Variants in PRTFDC1 observed in about 807,000 individuals in gnomAD.
PRTFDC1 encodes the protein phosphoribosyltransferase domain-containing protein 1.
PRTFDC1 carries 38 observed loss-of-function variants against 34.6 expected under a neutral mutation model. The observed-to-expected ratio is 1.10, with a 90% CI of 0.85 to 1.44. The LOEUF is 1.44. Among genes scored for constraint, PRTFDC1 ranks in the 40% most tolerant of loss-of-function variants. The pLI is 0.00. For missense variants in PRTFDC1, 270 were observed against 283.0 expected, an observed-to-expected ratio of 0.95 and a Z score of 0.33; for synonymous variants, 93 against 98.1, an observed-to-expected ratio of 0.95 and a Z score of 0.31.
At chr10:24,936,114 A>G (rs1849046657) in intron 3 of PRTFDC1, among the ~76,000 whole-genome samples, 2 of 152,240 alleles carry the variant, frequency 1.3e-5, no homozygotes, top group East Asian at 1.9e-4. Flanking sequence ...AGAGTGATTC[A>G]TGAATTAAAA....
intron 3 of PRTFDC1, among the ~76,000 whole-genome samples, chr10:24,880,984 T>TC (rs1848069798): frequency 4.2e-5 from 6 of 143,536 alleles, no homozygotes; most frequent in South Asian, 2.3e-4. Context: ...CTTCCTCCCT[T>TC]CCTCCCTCCC....
chr10:24,897,052 A>G (rs1319085551), intron 3 of PRTFDC1, among the ~76,000 whole-genome samples: 1 of 152,176 alleles, frequency 6.6e-6, no homozygotes, highest in East Asian at 1.9e-4. Context: ...TCTACAAAAA[A>G]TACAAAAATT....
chr10:24,885,068 G>A (rs762330793), intron 3 of PRTFDC1, among the ~76,000 whole-genome samples: 30 of 152,366 alleles, frequency 2.0e-4, no homozygotes, highest in Non-Finnish European at 3.7e-4. Flanking sequence ...CTGGAGGGAT[G>A]AGCCTGGCTC....
intron 1 of PRTFDC1, among the ~76,000 whole-genome samples, chr10:24,944,798 A>G (rs1849228293): frequency 6.6e-6 from 1 of 152,034 alleles, no homozygotes. Flanking sequence ...AAATAAAAAT[A>G]AAAAACAAAG....
At chr10:24,854,845 T>A (rs894007150) in intron 7 of PRTFDC1, among the ~76,000 whole-genome samples, 3 of 152,162 alleles carry the variant, frequency 2.0e-5, no homozygotes, top group Non-Finnish European at 4.4e-5. Flanking sequence ...TTGCTAAAGG[T>A]CACCATTGTG....
intron 3 of PRTFDC1, among the ~76,000 whole-genome samples, chr10:24,925,339 G>A (rs760444671): frequency 4.6e-5 from 7 of 152,114 alleles, no homozygotes; most frequent in East Asian, 1.9e-4. Context: ...GGGGGCTGGC[G>A]GAGGGATAGC....
At chr10:24,939,551 G>C (rs894278502) in intron 2 of PRTFDC1, among the ~76,000 whole-genome samples, 2 of 151,794 alleles carry the variant, frequency 1.3e-5, no homozygotes, top group African/African-American at 4.8e-5. Context: ...CCAGCACTTT[G>C]GGAGGCCAAG....
At chr10:24,890,033 T>C (rs1469867939) in intron 3 of PRTFDC1, among the ~76,000 whole-genome samples, 1 of 152,194 alleles carries the variant, frequency 6.6e-6, no homozygotes, top group Non-Finnish European at 1.5e-5. Context: ...ACTCCATTAA[T>C]GTGCTGAGGA....
intron 7 of PRTFDC1, among the ~76,000 whole-genome samples, chr10:24,852,416 G>A (rs768625284): frequency 6.6e-6 from 1 of 152,174 alleles, no homozygotes; most frequent in African/African-American, 2.4e-5. Context: ...GTCTCCCAAA[G>A]TGCTGGGATT....
chr10:24,949,610 T>C (rs2132625048), intron 1 of PRTFDC1, among the ~76,000 whole-genome samples: 1 of 152,310 alleles, frequency 6.6e-6, no homozygotes, highest in South Asian at 2.1e-4. Flanking sequence ...AGGATGTAAA[T>C]GTAGGGACTA....
At chr10:24,947,189 C>T (rs113697625) in intron 1 of PRTFDC1, among the ~76,000 whole-genome samples, 103 of 152,228 alleles carry the variant, frequency 6.8e-4, no homozygotes, top group African/African-American at 2.4e-3. Flanking sequence ...TTCTCTAAAA[C>T]TGTTCTATAA....
At chr10:24,894,407 T>C (rs908867940) in intron 3 of PRTFDC1, among the ~76,000 whole-genome samples, 2 of 151,850 alleles carry the variant, frequency 1.3e-5, no homozygotes, top group Non-Finnish European at 2.9e-5. Flanking sequence ...AAGTGCTGCA[T>C]GAGCTGTGAG....
chr10:24,939,358 A>G (rs1275359801), intron 2 of PRTFDC1, among the ~76,000 whole-genome samples: 2 of 151,940 alleles, frequency 1.3e-5, no homozygotes, highest in Non-Finnish European at 2.9e-5. Flanking sequence ...AAAGGAAACA[A>G]CAACAGCAAT....
rs1384539541 is a variant in PRTFDC1 at position 24,858,392 on chromosome 10, C to T, written c.423G>A (p.Glu141=). ...TLAGKNVLIV[E]DVVGTGRTMK... is the part of the protein sequence containing the mutation. The stretch of plus-strand genomic sequence containing the variant: ...TATGGAAAAGGAAATGCCAGCTTAC[C>T]TCAACAATGAGAACATTCTGAAATA... The change falls in exon 5 of 9, where the codon GAG becomes GAA. Residue 141 remains glutamate (E), a splice_region_variant and synonymous_variant. Coordinates refer to ENST00000320152, the MANE Select transcript of PRTFDC1 (RefSeq NM_020200.7). 3.1e-6 allele frequency: 5 copies of T among 1,613,208 alleles called. No individual in the cohort carries two copies. Among genetic ancestry groups the T allele is most frequent in the Non-Finnish European group, 3.4e-6 (4 of 1,179,290 alleles).
intron 1 of PRTFDC1, among the ~76,000 whole-genome samples, chr10:24,944,240 C>T (rs1479630609): frequency 2.0e-5 from 3 of 152,206 alleles, no homozygotes; most frequent in African/African-American, 4.8e-5. Context: ...CTTGAGAAGG[C>T]TCCTGTCCCT....
intron 1 of PRTFDC1, among the ~76,000 whole-genome samples, chr10:24,950,743 C>G (rs1055451399): frequency 6.6e-6 from 1 of 152,142 alleles, no homozygotes; most frequent in African/African-American, 2.4e-5. Context: ...GCTTCTCCCC[C>G]ACAGGCAGCC....
intron 6 of PRTFDC1, among the ~76,000 whole-genome samples, chr10:24,855,940 C>T (rs565399970): frequency 6.6e-6 from 1 of 151,838 alleles, no homozygotes; most frequent in South Asian, 2.1e-4. Flanking sequence ...ATGGTGAAAA[C>T]CCATCTTTAC....
intron 4 of PRTFDC1, among the ~76,000 whole-genome samples, chr10:24,864,312 C>G (rs1403535055): frequency 1.3e-5 from 2 of 152,144 alleles, no homozygotes; most frequent in Non-Finnish European, 2.9e-5. Context: ...GGATTAACTT[C>G]AATTTTGAAA....
At chr10:24,909,142 G>T (rs1462574659) in intron 3 of PRTFDC1, among the ~76,000 whole-genome samples, 1 of 152,182 alleles carries the variant, frequency 6.6e-6, no homozygotes, top group African/African-American at 2.4e-5. Context: ...ACACCCAGGC[G>T]TGGTGGTGTG....
Sources: gnomAD v4.1 joint callset for allele counts (sites outside exome capture counted in the v4.1 genomes callset) on GRCh38, gnomAD v4.1.1 for gene constraint, MANE v1.5 for transcripts, NCBI Gene and HGNC (gene_info 2026-07-23, HGNC 2026-07-21) for gene names.